SHTN1: variants seen among roughly 807,000 people sequenced by gnomAD.
The protein encoded by SHTN1 is shootin-1.
Under a neutral mutation model 83.1 loss-of-function variants are expected in SHTN1, and 42 were observed. That is an observed-to-expected ratio of 0.51 (90% CI 0.39 to 0.65). The LOEUF (loss-of-function observed/expected upper bound fraction) is 0.65, where lower values mean the gene tolerates loss of function less well. SHTN1 is among the 30% of genes least tolerant of loss of function. The probability of loss-of-function intolerance (pLI) is 0.00; values close to 1 mark genes in which losing one functional copy is unlikely to be tolerated. For missense variants in SHTN1, 622 were observed against 737.8 expected, an observed-to-expected ratio of 0.84 and a Z score of 1.82; for synonymous variants, 224 against 247.7, an observed-to-expected ratio of 0.90 and a Z score of 0.90.
In SHTN1 at chr10:116,901,833, G is replaced by A. The variant is rs1847749600; in HGVS notation, c.1605C>T (p.Pro535=). Residue 535 remains proline, a synonymous_variant, in exon 16 of 17, where the codon CCC becomes CCT. Coordinates refer to ENST00000355371, the MANE Select transcript of SHTN1 (RefSeq NM_001127211.3). The stretch of plus-strand genomic sequence containing the variant: ...GCCCTTCACCTGGCTCAGGTGTTGG[G>A]GGGGACGGGCTGTTGAATTCTGCCT... ...TLEAEFNSPS[P]PTPEPGEGPR... 2 of 1,604,558 alleles carry A rather than the reference G, an allele frequency of 1.2e-6. No individual in the cohort carries two copies. The highest frequency in any genetic ancestry group is 2.2e-5 in the East Asian group (1 of 44,520).
chr10:117,031,640 A>G (rs193020308), intron 2 of SHTN1, among the ~76,000 whole-genome samples: 82 of 152,304 alleles, frequency 5.4e-4, no homozygotes, highest in South Asian at 8.3e-4. Context: ...TGTTGCTTCT[A>G]TTGTTTATTT....
intron 7 of SHTN1, among the ~76,000 whole-genome samples, chr10:116,945,671 T>C (rs1204296646): frequency 6.6e-6 from 1 of 152,084 alleles, no homozygotes; most frequent in Non-Finnish European, 1.5e-5. Flanking sequence ...TAAAGCATGG[T>C]TTTATTAAAT....
chr10:116,993,374 A>C (rs565074596), intron 1 of SHTN1, among the ~76,000 whole-genome samples: 1 of 152,242 alleles, frequency 6.6e-6, no homozygotes, highest in Admixed American at 6.5e-5. Context: ...AATGCTTTGA[A>C]GAAATTTCAC....
At chr10:117,025,474 A>C (rs1433439980) in intron 2 of SHTN1, among the ~76,000 whole-genome samples, 2 of 152,194 alleles carry the variant, frequency 1.3e-5, no homozygotes, top group Admixed American at 1.3e-4. Context: ...AAGGACACAA[A>C]GGCAGCACCT....
chr10:116,893,948 A>G (rs1452910707), intron 16 of SHTN1, among the ~76,000 whole-genome samples: 1 of 152,218 alleles, frequency 6.6e-6, no homozygotes, highest in African/African-American at 2.4e-5. Context: ...GCTCCAGTAA[A>G]TTAAAAAGCA....
In SHTN1 at chr10:116,886,581, G is replaced by T. The variant is rs761485147; in HGVS notation, c.1674-15C>A. On this transcript the variant is annotated splice_polypyrimidine_tract_variant and intron_variant, in intron 16 of 16. Transcript: ENST00000355371. ...TACTGGGAGGCCTATGAGATGAAGA[G>T]TTAGACAAAAAAAGTAAAAAGCAGA... The T allele has an allele frequency of 3.7e-6, 6 of 1,611,138 alleles. No individual in the cohort carries two copies. In the East Asian group the frequency reaches 1.1e-4, roughly 30 times the overall value.
intron 16 of SHTN1, among the ~76,000 whole-genome samples, chr10:116,895,913 C>T (rs1039849455): frequency 1.3e-5 from 2 of 152,100 alleles, no homozygotes; most frequent in East Asian, 1.9e-4. Flanking sequence ...TAAACAAAAG[C>T]ACCTTGCTTA....
rs1373027062 is a variant in SHTN1 at position 116,954,493 on chromosome 10, TTC to T, written c.268-285_268-284del. Among the ~76,000 whole-genome samples, 9 of 152,314 alleles carry T rather than the reference TTC, an allele frequency of 5.9e-5. No homozygotes were observed. The East Asian group carries it at 1.7e-3, about 29-fold the overall frequency. On this transcript the variant is annotated intron_variant, in intron 4 of 16. Coordinates refer to ENST00000355371, the MANE Select transcript of SHTN1 (RefSeq NM_001127211.3). ...AAACACCAGTACAGATTAAATAAAA[TTC>T]TGATTTATAGTCATTAATAGTCTTA...
chr10:116,946,769 A>C (rs1183768507), intron 7 of SHTN1, among the ~76,000 whole-genome samples: 2 of 150,544 alleles, frequency 1.3e-5, no homozygotes, highest in Non-Finnish European at 2.9e-5. Context: ...CCAGGCTGGA[A>C]GGCAGTGGTG....
intron 1 of SHTN1, among the ~76,000 whole-genome samples, chr10:117,076,500 A>G (rs1853156137): frequency 6.6e-6 from 1 of 152,334 alleles, no homozygotes; most frequent in Middle Eastern, 3.4e-3. Context: ...ACACATGTTT[A>G]TATTTAAATT....
chr10:117,120,892 C>T (rs1330287556), intron 1 of SHTN1, among the ~76,000 whole-genome samples: 1 of 151,598 alleles, frequency 6.6e-6, no homozygotes, highest in Non-Finnish European at 1.5e-5. Context: ...TCACTGAAAC[C>T]TCCACCTCCC....
chr10:116,995,711 G>GT (rs1224008236), intron 1 of SHTN1, among the ~76,000 whole-genome samples: 1 of 151,672 alleles, frequency 6.6e-6, no homozygotes, highest in African/African-American at 2.4e-5. Flanking sequence ...TGAGAATGTC[G>GT]TATTTTCTGA....
chr10:116,949,617 A>T (rs1849706076), intron 6 of SHTN1, among the ~76,000 whole-genome samples: 1 of 152,250 alleles, frequency 6.6e-6, no homozygotes, highest in African/African-American at 2.4e-5. Context: ...ATACATATGT[A>T]ACAAACCTGC....
chr10:116,893,907 CAAAAT>C (rs1480163939), intron 16 of SHTN1, among the ~76,000 whole-genome samples: 4 of 151,966 alleles, frequency 2.6e-5, no homozygotes, highest in Admixed American at 2.6e-4. Context: ...AGAAAGTAAA[CAAAAT>C]AAAATAAAAT....
chr10:116,933,785 C>G (rs1849056298), intron 9 of SHTN1, among the ~76,000 whole-genome samples: 1 of 152,218 alleles, frequency 6.6e-6, no homozygotes, highest in African/African-American at 2.4e-5. Flanking sequence ...CACCCACCAA[C>G]AGTGTAAAAG....
intron 12 of SHTN1, 47 bp downstream of exon 12, chr10:116,921,387 A>C (rs1397523071): frequency 7.1e-7 from 1 of 1,404,604 alleles, no homozygotes; most frequent in Admixed American, 1.8e-5. Context: ...GAATTGCCCC[A>C]AAATGGTACA....
chr10:117,108,730 A>C (rs1170070182), intron 1 of SHTN1, among the ~76,000 whole-genome samples: 1 of 152,172 alleles, frequency 6.6e-6, no homozygotes, highest in Non-Finnish European at 1.5e-5. Flanking sequence ...CAAGAAAAAA[A>C]AAGAAAAAGT....
chr10:117,078,632 A>T (rs1249530399), intron 1 of SHTN1, among the ~76,000 whole-genome samples: 1 of 152,170 alleles, frequency 6.6e-6, no homozygotes, highest in Non-Finnish European at 1.5e-5. Flanking sequence ...GAGTTAATAG[A>T]ATTGTTTGCA....
chr10:117,032,942 T>G (rs190817499), intron 2 of SHTN1, among the ~76,000 whole-genome samples: 3 of 152,202 alleles, frequency 2.0e-5, no homozygotes, highest in African/African-American at 7.2e-5. Context: ...GAATGACCAG[T>G]GGGTCAATGA....
Sources: gnomAD v4.1 joint callset for allele counts (sites outside exome capture counted in the v4.1 genomes callset) on GRCh38, gnomAD v4.1.1 for gene constraint, MANE v1.5 for transcripts, NCBI Gene and HGNC (gene_info 2026-07-23, HGNC 2026-07-21) for gene names.